The following MROH9 variants were observed in gnomAD, a reference collection of about 807,000 sequenced individuals.
MROH9 encodes maestro heat-like repeat-containing protein family member 9.
MROH9 carries 92 observed loss-of-function variants against 98.2 expected under a neutral mutation model. That is an observed-to-expected ratio of 0.94 (90% confidence interval 0.79 to 1.11). MROH9 has a LOEUF of 1.11. Ranked by LOEUF, MROH9 falls within the 50% of genes most tolerant of loss-of-function variation. MROH9 has a pLI of 0.00. For missense variants in MROH9, 1,057 were observed against 1,014.8 expected, an observed-to-expected ratio of 1.04 and a Z score of -0.57; for synonymous variants, 397 against 368.9, an observed-to-expected ratio of 1.08 and a Z score of -0.87.
chr1:171,050,187 T>C (rs537488073), intron 20 of MROH9, among the ~76,000 whole-genome samples: 1 of 152,324 alleles, frequency 6.6e-6, no homozygotes, highest in East Asian at 1.9e-4. Context: ...TTTTGAAGAC[T>C]TACTAAATTT....
At chr1:170,965,387 A>T in intron 7 of MROH9, 132 bp downstream of exon 7, 1 of 580,646 alleles carries the variant, frequency 1.7e-6, no homozygotes, top group Non-Finnish European at 3.1e-6. Context: ...TGGTTGGGAT[A>T]TCAGAAAAGG....
At chr1:171,020,796 C>T (rs1652492177) in intron 17 of MROH9, among the ~76,000 whole-genome samples, 1 of 152,060 alleles carries the variant, frequency 6.6e-6, no homozygotes. Context: ...GTAAATGGTA[C>T]TCACGTAGGA....
intron 3 of MROH9, among the ~76,000 whole-genome samples, chr1:170,956,374 G>C (rs1480064578): frequency 6.6e-6 from 1 of 151,952 alleles, no homozygotes; most frequent in Non-Finnish European, 1.5e-5. Context: ...TATTTTTATG[G>C]GGATTGCGTT....
intron 21 of MROH9, among the ~76,000 whole-genome samples, chr1:171,063,840 C>T (rs1326454671): frequency 6.6e-6 from 1 of 152,184 alleles, no homozygotes; most frequent in Non-Finnish European, 1.5e-5. Flanking sequence ...GCAGAATGCT[C>T]AGCACATAAA....
intron 15 of MROH9, among the ~76,000 whole-genome samples, chr1:171,012,572 G>C (rs1322815941): frequency 2.8e-5 from 4 of 143,714 alleles, no homozygotes; most frequent in African/African-American, 1.1e-4. Context: ...GCTCGATCTC[G>C]GCTCACCGCA....
rs374694201 is a variant in MROH9 at position 170,964,562 on chromosome 1, A to G, written c.376-589A>G. Among the ~76,000 whole-genome samples the G allele has an allele frequency of 5.9e-5, 9 of 152,192 alleles. No individual in the cohort carries two copies. In the East Asian group the frequency reaches 1.7e-3, roughly 29 times the overall value. On this transcript the variant is annotated intron_variant, in intron 6 of 21. Transcript: ENST00000367759. The stretch of plus-strand genomic sequence containing the variant: ...AGTATTCTTCCCTTTTCAAGGTTGT[A>G]AATGTGTCCTTGCCTCTGAGGATTA...
intron 20 of MROH9, among the ~76,000 whole-genome samples, chr1:171,045,259 C>G (rs1304211066): frequency 6.6e-6 from 1 of 151,898 alleles, no homozygotes; most frequent in Non-Finnish European, 1.5e-5. Flanking sequence ...CTCGGCCTCC[C>G]AAAGTGCTGG....
At chr1:170,977,647 G>A (rs61815985) in intron 8 of MROH9, among the ~76,000 whole-genome samples, 17,842 of 152,142 alleles carry the variant, frequency 0.12, 1,116 homozygotes, top group South Asian at 0.14. Flanking sequence ...GAAAGCATGG[G>A]CTCCTTTCCC....
At chr1:171,047,071 C>T (rs947291356) in intron 20 of MROH9, among the ~76,000 whole-genome samples, 1 of 152,070 alleles carries the variant, frequency 6.6e-6, no homozygotes, top group African/African-American at 2.4e-5. Flanking sequence ...TGTTTCTTTT[C>T]TCTAGCTGCT....
intron 8 of MROH9, among the ~76,000 whole-genome samples, chr1:170,983,164 A>G (rs1264593658): frequency 6.6e-6 from 1 of 152,150 alleles, no homozygotes; most frequent in African/African-American, 2.4e-5. Context: ...TTGATGGTCT[A>G]TATATATTTG....
chr1:170,986,216 C>A (rs1418874274), intron 9 of MROH9, among the ~76,000 whole-genome samples: 3 of 152,152 alleles, frequency 2.0e-5, no homozygotes, highest in African/African-American at 7.2e-5. Flanking sequence ...TCTGTCCCCT[C>A]CTGCATCTTC....
chr1:171,061,882 T>A (rs1654026633), intron 20 of MROH9, among the ~76,000 whole-genome samples: 1 of 152,188 alleles, frequency 6.6e-6, no homozygotes, highest in African/African-American at 2.4e-5. Flanking sequence ...ATAACCTAAA[T>A]GGTAGCCCTG....
At chr1:170,998,509 T>G in intron 15 of MROH9, 3 of 1,459,326 alleles carry the variant, frequency 2.1e-6, no homozygotes, top group Non-Finnish European at 2.7e-6. Context: ...TCTAGGGGTG[T>G]GAATTTGTAC....
chr1:171,055,974 C>A (rs147272631), intron 20 of MROH9, among the ~76,000 whole-genome samples: 48 of 152,166 alleles, frequency 3.2e-4, no homozygotes, highest in African/African-American at 1.2e-3. Context: ...GCAGGGGGAA[C>A]GGTGATTTTT....
chr1:170,983,557 C>T (rs533599844), intron 9 of MROH9, 23 bp downstream of exon 9: 38 of 1,401,872 alleles, frequency 2.7e-5, no homozygotes, highest in East Asian at 9.2e-5. Flanking sequence ...CCACTTTTTC[C>T]GAGGGCTTTT....
At chr1:170,959,656 C>G in intron 5 of MROH9, 59 bp downstream of exon 5, 1 of 1,488,462 alleles carries the variant, frequency 6.7e-7, no homozygotes, top group East Asian at 2.3e-5. Context: ...AGCAATCCTG[C>G]AGAATGTGAC....
chr1:170,972,845 C>T (rs1650520742), intron 8 of MROH9, among the ~76,000 whole-genome samples: 3 of 150,612 alleles, frequency 2.0e-5, no homozygotes, highest in Admixed American at 6.6e-5. Flanking sequence ...CACACACACA[C>T]ACACACACAC....
At chr1:170,936,147 T>A (rs1648872853) in intron 1 of MROH9, among the ~76,000 whole-genome samples, 1 of 152,192 alleles carries the variant, frequency 6.6e-6, no homozygotes, top group Middle Eastern at 3.4e-3. Flanking sequence ...TTAGTAAGGA[T>A]GAGAGAAACC....
In MROH9 at chr1:171,058,849, A is replaced by G. The variant is rs550912454; in HGVS notation, c.2282-3283A>G. Among the ~76,000 whole-genome samples the G allele has an allele frequency of 8.5e-5, 13 of 152,346 alleles. No homozygotes were observed. In the East Asian group the frequency reaches 1.9e-3, roughly 23 times the overall value. On this transcript the variant is annotated intron_variant, in intron 20 of 21. Transcript: ENST00000367759. ...CACCTTATACAAAAATTAACTCAAC[A>G]TGGCTTAAAGACTTAAATGTAAACC... is the stretch of plus-strand genomic sequence containing the variant.
Sources: gnomAD v4.1 joint callset for allele counts (sites outside exome capture counted in the v4.1 genomes callset) on GRCh38, gnomAD v4.1.1 for gene constraint, MANE v1.5 for transcripts, NCBI Gene and HGNC (gene_info 2026-07-23, HGNC 2026-07-21) for gene names.